GPX1: variants seen among roughly 807,000 people sequenced by gnomAD.
GPX1 encodes the protein glutathione peroxidase 1, also known as GSHPx-1.
A neutral mutation model predicts 11.5 loss-of-function variants in GPX1; 8 were observed. That is an observed-to-expected ratio of 0.70 (90% CI 0.41 to 1.25). The LOEUF is 1.25. Ranked by LOEUF, GPX1 falls within the 50% of genes most tolerant of loss-of-function variation. The pLI is 0.01. For missense variants in GPX1, 266 were observed against 284.3 expected (o/e 0.94, Z 0.46); for synonymous variants, 142 against 127.8 (o/e 1.11, Z -0.75).
chr3:49,358,213 G>C lies in GPX1; in HGVS notation c.66C>G (p.Arg22=). ...AAQSVYAFSA[R]PLAGGEPVSL... The stretch of plus-strand genomic sequence containing the variant: ...TCACAGGCTCCCCGCCGGCCAGCGG[G>C]CGCGCCGAGAAGGCATACACCGACT... Residue 22 remains arginine (R), a synonymous_variant, in exon 1 of 2, where the codon CGC becomes CGG. Coordinates refer to ENST00000419783, the MANE Select transcript of GPX1 (RefSeq NM_000581.4). 6.5e-7 allele frequency: 1 copy of C among 1,549,500 alleles called. No homozygotes were observed. The highest frequency in any genetic ancestry group is 8.7e-7 in the Non-Finnish European group (1 of 1,148,024).
rs1040687722 is a variant in GPX1 at position 49,358,342 on chromosome 3, G to A, written c.-64C>T. The A allele has an allele frequency of 1.1e-4, 164 of 1,463,404 alleles. No individual in the cohort carries two copies. The highest frequency in any genetic ancestry group is 1.4e-4 in the Non-Finnish European group (151 of 1,103,506). 90.7% of individuals were successfully genotyped at this position (1,463,404 alleles called of 1,614,324 possible). A position where few individuals can be genotyped will look rare whatever the true frequency, so the allele number is the denominator to read the frequency against. On this transcript the variant is annotated 5_prime_UTR_variant, in exon 1 of 2. Coordinates refer to ENST00000419783, the MANE Select transcript of GPX1 (RefSeq NM_000581.4). ...AAGCACTGTAAGGGGAGGCCAGCAG[G>A]CGCCTCCTTTTAACTGGCCGGCGGC... is the stretch of plus-strand genomic sequence containing the variant.
In GPX1 at chr3:49,357,667, G is replaced by A; in HGVS notation, c.333C>T (p.Leu111=). The A allele has an allele frequency of 1.2e-6, 2 of 1,613,684 alleles. No individual in the cohort carries two copies. The highest frequency in any genetic ancestry group is 1.7e-6 in the Non-Finnish European group (2 of 1,179,924). Residue 111 remains leucine, a synonymous_variant, in exon 2 of 2, where the codon CTC becomes CTT. Coordinates refer to ENST00000419783, the MANE Select transcript of GPX1 (RefSeq NM_000581.4). ...PGGGFEPNFM[L]FEKCEVNGAG... Reference sequence around the variant, plus strand: ...CACCGTTCACCTCGCACTTCTCGAAGAGCATGAAGTTGGGCTCGAACCCAC... The same window carrying A: ...CACCGTTCACCTCGCACTTCTCGAAAAGCATGAAGTTGGGCTCGAACCCAC...
In GPX1 at chr3:49,357,484, G is replaced by A. The variant is rs1415610875; in HGVS notation, c.516C>T (p.Asp172=). 1.9e-6 allele frequency: 3 copies of A among 1,613,572 alleles called. No individual in the cohort carries two copies. Among genetic ancestry groups the A allele is most frequent in the East Asian group, 2.2e-5 (1 of 44,864 alleles). The change falls in exon 2 of 2, where the codon GAC becomes GAT. Residue 172 remains aspartate (D), a synonymous_variant. Coordinates refer to ENST00000419783, the MANE Select transcript of GPX1 (RefSeq NM_000581.4). ...WNFEKFLVGP[D]GVPLRRYSRR... is the part of the protein sequence containing the mutation. ...GGCTGTACCTGCGTAGGGGCACACC[G>A]TCAGGGCCCACCAGGAACTTCTCAA... is the stretch of plus-strand genomic sequence containing the variant.
rs1175560517 is a variant in GPX1 at position 49,358,339 on chromosome 3, C to T, written c.-61G>A. 5 of 1,464,802 alleles carry T rather than the reference C, an allele frequency of 3.4e-6. No individual in the cohort carries two copies. The highest frequency in any genetic ancestry group is 3.6e-6 in the Non-Finnish European group (4 of 1,104,452). The allele number at this position is 1,464,802 out of a possible 1,614,324, so 90.7% of individuals were successfully genotyped here. On this transcript the variant is annotated 5_prime_UTR_variant, in exon 1 of 2. Transcript: ENST00000419783. ...AACAAGCACTGTAAGGGGAGGCCAG[C>T]AGGCGCCTCCTTTTAACTGGCCGGC...
In GPX1 at chr3:49,357,386, C is replaced by G; in HGVS notation, c.*2G>C. ...CCAAGCAGCCGGGGTAGGAGGGGCG[C>G]CCTAGGCACAGCTGGGCCCTTGAGA... On this transcript the variant is annotated 3_prime_UTR_variant, in exon 2 of 2. Transcript: ENST00000419783. 2 of 1,602,564 alleles carry G rather than the reference C, an allele frequency of 1.2e-6. No homozygotes were observed. The highest frequency in any genetic ancestry group is 1.7e-6 in the Non-Finnish European group (2 of 1,171,578).
At position 49,358,117 on chromosome 3, in the gene GPX1, C is replaced by G. The variant is rs1180116785; in HGVS notation, c.162G>C (p.Arg54=). The change falls in exon 1 of 2, where the codon CGG becomes CGC. Residue 54 remains arginine, a synonymous_variant. Transcript: ENST00000419783. The part of the protein sequence containing the change: ...NVASLUGTTV[R]DYTQMNELQR... ...GCAGCTCGTTCATCTGGGTGTAGTC[C>G]CGGACCGTGGTGCCTCAGAGGGACG... 4 of 1,610,578 alleles carry G rather than the reference C, an allele frequency of 2.5e-6. No homozygotes were observed. The highest frequency in any genetic ancestry group is 3.4e-6 in the Non-Finnish European group (4 of 1,179,414).
intron 1 of GPX1, 49 bp downstream of exon 1, chr3:49,357,978 G>A (rs2047875242): frequency 1.3e-6 from 2 of 1,557,782 alleles, no homozygotes; most frequent in Middle Eastern, 1.9e-4. Context: ...GGCGCCCCCA[G>A]CCACTACTGC....
chr3:49,357,678 TG>T lies in GPX1; in HGVS notation c.321del (p.Asn108ThrfsTer?). On this transcript the variant is annotated frameshift_variant, in exon 2 of 2. Transcript: ENST00000419783. LOFTEE classifies it high-confidence loss of function. The stretch of plus-strand genomic sequence containing the variant: ...TCGCACTTCTCGAAGAGCATGAAGT[TG>T]GGCTCGAACCCACCACCAGGCCGGA... ...KYVRPGGGFE[P>X]NFMLFEKCEV... 1 of 1,613,330 alleles carries T rather than the reference TG, an allele frequency of 6.2e-7. No individual in the cohort carries two copies. The highest frequency in any genetic ancestry group is 1.1e-5 in the South Asian group (1 of 91,076).
At position 49,358,209 on chromosome 3, in the gene GPX1, G is replaced by A. The variant is rs931412098; in HGVS notation, c.70C>T (p.Leu24=). Residue 24 remains leucine, a synonymous_variant, in exon 1 of 2, where the codon CTG becomes TTG. Transcript: ENST00000419783. ...QSVYAFSARP[L]AGGEPVSLGS... is the part of the protein sequence containing the mutation. ...AGGCTCACAGGCTCCCCGCCGGCCA[G>A]CGGGCGCGCCGAGAAGGCATACACC... is the stretch of plus-strand genomic sequence containing the variant. 1.3e-6 allele frequency: 2 copies of A among 1,552,674 alleles called. No individual in the cohort carries two copies. Among genetic ancestry groups the A allele is most frequent in the African/African-American group, 1.4e-5 (1 of 73,006 alleles).
In GPX1 at chr3:49,358,314, A is replaced by G. The variant is rs1369611677; in HGVS notation, c.-36T>C. 6.6e-7 allele frequency: 1 copy of G among 1,523,038 alleles called. No homozygotes were observed. Among genetic ancestry groups the G allele is most frequent in the Non-Finnish European group, 8.8e-7 (1 of 1,132,408 alleles). 94.3% of individuals were successfully genotyped at this position (1,523,038 alleles called of 1,614,324 possible). ...TCCAAGAAGCCAGCGGAGCGCCCCG[A>G]ACAAGCACTGTAAGGGGAGGCCAGC... On this transcript the variant is annotated 5_prime_UTR_variant, in exon 1 of 2. Coordinates refer to ENST00000419783, the MANE Select transcript of GPX1 (RefSeq NM_000581.4).
chr3:49,357,267 G>A lies in GPX1; in HGVS notation c.*121C>T, dbSNP rs923861978. 3.1e-6 allele frequency: 3 copies of A among 970,490 alleles called. No homozygotes were observed. The highest frequency in any genetic ancestry group is 3.1e-6 in the Non-Finnish European group (2 of 651,820). 60.1% of individuals were successfully genotyped at this position (970,490 alleles called of 1,614,324 possible). A position where few individuals can be genotyped will look rare whatever the true frequency, so the allele number is the denominator to read the frequency against. ...CAGGACCAGCACCCATCTCGAGGTG[G>A]TATTTTCTGTAAGATCAGGTGTTCC... On this transcript the variant is annotated 3_prime_UTR_variant, in exon 2 of 2. Transcript: ENST00000419783.
chr3:49,357,202 G>C lies in GPX1; in HGVS notation c.*186C>G. On this transcript the variant is annotated 3_prime_UTR_variant, in exon 2 of 2. Transcript: ENST00000419783. Reference sequence around the variant, plus strand: ...TCTGCTGACACCCGGCACTTTATTAGTGGGGAAACTCGCCTTGGTCTGGCA... The same window carrying C: ...TCTGCTGACACCCGGCACTTTATTACTGGGGAAACTCGCCTTGGTCTGGCA... 1.7e-6 allele frequency: 1 copy of C among 602,334 alleles called. No individual in the cohort carries two copies. The highest frequency in any genetic ancestry group is 3.0e-6 in the Non-Finnish European group (1 of 337,692). The allele number at this position is 602,334 out of a possible 1,614,324, so 37.3% of individuals were successfully genotyped here. A position where few individuals can be genotyped will look rare whatever the true frequency, so the allele number is the denominator to read the frequency against.
Position 49,357,394 on chromosome 3 carries a change from A to G in GPX1, c.606T>C (p.Cys202=). 6.2e-7 allele frequency: 1 copy of G among 1,604,822 alleles called. No homozygotes were observed. The highest frequency in any genetic ancestry group is 8.5e-7 in the Non-Finnish European group (1 of 1,173,234). The change falls in exon 2 of 2, where the codon TGT becomes TGC. Residue 202 remains cysteine (C), a synonymous_variant. Transcript: ENST00000419783. ...IEALLSQGPS[C]A ...CCGGGGTAGGAGGGGCGCCCTAGGC[A>G]CAGCTGGGCCCTTGAGACAGCAGGG...
In GPX1 at chr3:49,358,261, T is replaced by C. The variant is rs1448399879; in HGVS notation, c.18A>G (p.Leu6=). Reference sequence around the variant, plus strand: ...ACTGGGCCGCCGCCGCCGCCGCCGCTAGCCGAGCAGCACACATGGCGCAAT... The same window carrying C: ...ACTGGGCCGCCGCCGCCGCCGCCGCCAGCCGAGCAGCACACATGGCGCAAT... MCAAR[L]AAAAAAAQSV... is the part of the protein sequence containing the mutation. Residue 6 remains leucine (L), a synonymous_variant, in exon 1 of 2, where the codon CTA becomes CTG. Transcript: ENST00000419783. 3.9e-6 allele frequency: 6 copies of C among 1,534,924 alleles called. No individual in the cohort carries two copies. Among genetic ancestry groups the C allele is most frequent in the Middle Eastern group, 2.3e-4 (1 of 4,348 alleles).
rs926232560 is a variant in GPX1, at chr3:49,358,328, G to A, written c.-50C>T. The A allele has an allele frequency of 2.4e-5, 35 of 1,482,912 alleles. No homozygotes were observed. The highest frequency in any genetic ancestry group is 1.1e-4 in the African/African-American group (8 of 70,730). 91.9% of individuals were successfully genotyped at this position (1,482,912 alleles called of 1,614,324 possible). ...GGAGCGCCCCGAACAAGCACTGTAA[G>A]GGGAGGCCAGCAGGCGCCTCCTTTT... is the stretch of plus-strand genomic sequence containing the variant. On this transcript the variant is annotated 5_prime_UTR_variant, in exon 1 of 2. Coordinates refer to ENST00000419783, the MANE Select transcript of GPX1 (RefSeq NM_000581.4).
chr3:49,358,086 G>C lies in GPX1; in HGVS notation c.193C>G (p.Arg65Gly). 6.2e-7 allele frequency: 1 copy of C among 1,611,316 alleles called. No individual in the cohort carries two copies. The highest frequency in any genetic ancestry group is 8.5e-7 in the Non-Finnish European group (1 of 1,179,542). The part of the protein sequence containing the change: ...DYTQMNELQR[R>G]LGPRGLVVLG... ...ACCACCAGGCCCCGGGGTCCGAGGC[G>C]CCGCTGCAGCTCGTTCATCTGGGTG... Residue 65 changes from arginine (R) to glycine (G), a missense_variant, in exon 1 of 2, where the codon CGC (arginine) becomes GGC (glycine). Physicochemically the swap from Arg to Gly is moderately radical, Grantham distance 125. Transcript: ENST00000419783.
Position 49,357,830 on chromosome 3 carries a change from G to C in GPX1, c.253-83C>G, listed in dbSNP as rs1159196552. 1.4e-5 allele frequency: 22 copies of C among 1,531,144 alleles called. No homozygotes were observed. The East Asian group carries it at 4.8e-4, about 33-fold the overall frequency. 94.8% of individuals were successfully genotyped at this position (1,531,144 alleles called of 1,614,324 possible). On this transcript the variant is annotated intron_variant, in intron 1 of 1. Coordinates refer to ENST00000419783, the MANE Select transcript of GPX1 (RefSeq NM_000581.4). ...ACCACAAACAAGGGAGATTTTCTATGAGTCACCGGGATTTTGCCCTCCATG... is the reference window on the plus strand; with the variant it reads ...ACCACAAACAAGGGAGATTTTCTATCAGTCACCGGGATTTTGCCCTCCATG...
Position 49,357,743 on chromosome 3 carries a change from T to C in GPX1, c.257A>G (p.Asn86Ser). ...ATTCAGAATCTCTTCGTTCTTGGCGTTCTCCTACAGGAGAGAAGGGCAGCT... is the reference window on the plus strand; with the variant it reads ...ATTCAGAATCTCTTCGTTCTTGGCGCTCTCCTACAGGAGAGAAGGGCAGCT... The part of the protein sequence containing the change: ...FPCNQFGHQE[N>S]AKNEEILNSL... Residue 86 changes from asparagine (N) to serine (S), a missense_variant, in exon 2 of 2, where the codon AAC (asparagine) becomes AGC (serine). Coordinates refer to ENST00000419783, the MANE Select transcript of GPX1 (RefSeq NM_000581.4). 1 of 1,604,510 alleles carries C rather than the reference T, an allele frequency of 6.2e-7. No homozygotes were observed. The highest frequency in any genetic ancestry group is 8.5e-7 in the Non-Finnish European group (1 of 1,173,038).
chr3:49,357,305 T>C lies in GPX1; in HGVS notation c.*83A>G. ...GATCAGGTGTTCCTCCCTCGTAGGT[T>C]TAGAGGAAACACCCTCATAGATGAA... On this transcript the variant is annotated 3_prime_UTR_variant, in exon 2 of 2. Transcript: ENST00000419783. The C allele has an allele frequency of 7.5e-7, 1 of 1,341,664 alleles. No homozygotes were observed. 83.1% of individuals were successfully genotyped at this position (1,341,664 alleles called of 1,614,324 possible).
Sources: allele counts gnomAD v4.1 joint callset, GRCh38; gene constraint gnomAD v4.1.1; transcripts MANE v1.5; gene names NCBI Gene and HGNC (gene_info 2026-07-23, HGNC 2026-07-21).